Variants in CACNA1D observed in about 807,000 individuals in gnomAD.
CACNA1D encodes calcium voltage-gated channel subunit alpha1 D.
A neutral mutation model predicts 257.1 loss-of-function variants in CACNA1D; 55 were observed. The observed-to-expected ratio is 0.21, with a 90% CI of 0.17 to 0.27. CACNA1D has a LOEUF of 0.27. CACNA1D is among the 10% of genes least tolerant of loss of function. The pLI is 1.00. For missense variants in CACNA1D, 1,876 were observed against 2,784.0 expected (o/e 0.67, Z 7.34); for synonymous variants, 980 against 1,014.9 (o/e 0.97, Z 0.65).
chr3:53,551,329 C>T, intron 3 of CACNA1D, among the ~76,000 whole-genome samples: 1 of 152,218 alleles, frequency 6.6e-6, no homozygotes, highest in East Asian at 1.9e-4. Flanking sequence ...GGTTCCCCGG[C>T]TTGCCCTCCA....
intron 3 of CACNA1D, among the ~76,000 whole-genome samples, chr3:53,617,650 A>G (rs950106709): frequency 9.9e-5 from 15 of 152,260 alleles, no homozygotes; most frequent in African/African-American, 1.9e-4. Flanking sequence ...GACTTAGTTC[A>G]CTTGTACAGT....
chr3:53,569,761 T>C (rs2092911470), intron 3 of CACNA1D, among the ~76,000 whole-genome samples: 3 of 152,244 alleles, frequency 2.0e-5, no homozygotes, highest in African/African-American at 7.2e-5. Flanking sequence ...TTTGGGATAG[T>C]AGAAAGATCT....
chr3:53,596,298 G>A (rs1307688699), intron 3 of CACNA1D, among the ~76,000 whole-genome samples: 1 of 151,980 alleles, frequency 6.6e-6, no homozygotes, highest in African/African-American at 2.4e-5. Flanking sequence ...CTCTGCATGT[G>A]TGTGCATGTG....
intron 14 of CACNA1D, among the ~76,000 whole-genome samples, chr3:53,724,911 A>C (rs997193538): frequency 6.6e-6 from 1 of 152,080 alleles, no homozygotes; most frequent in African/African-American, 2.4e-5. Context: ...ATCTGCTGTA[A>C]GCCATAGTAT....
At chr3:53,588,630 C>T (rs2093256536) in intron 3 of CACNA1D, among the ~76,000 whole-genome samples, 1 of 152,156 alleles carries the variant, frequency 6.6e-6, no homozygotes, top group Non-Finnish European at 1.5e-5. Flanking sequence ...CCTTGTTTTC[C>T]CTGAGAGCAG....
In CACNA1D at chr3:53,495,049, A is replaced by G; in HGVS notation, c.-118A>G. On this transcript the variant is annotated 5_prime_UTR_variant, in exon 1 of 48. Coordinates refer to ENST00000350061, the MANE Select transcript of CACNA1D (RefSeq NM_001128840.3). This position sits in a 1 kb window ranked among gnomAD's most constrained non-coding sequence, Gnocchi z 5.1. ...CCCTCCCCACCCCCCTGCTGAAGCG[A>G]GAATAAGGGCAGGGACCGCGGCTCC... 1 of 481,436 alleles carries G rather than the reference A, an allele frequency of 2.1e-6. No homozygotes were observed. The highest frequency in any genetic ancestry group is 2.2e-5 in the African/African-American group (1 of 46,036). The allele number at this position is 481,436 out of a possible 1,614,324, so 29.8% of individuals were successfully genotyped here. A position where few individuals can be genotyped will look rare whatever the true frequency, so the allele number is the denominator to read the frequency against.
chr3:53,771,041 C>G (rs541376310), intron 32 of CACNA1D, among the ~76,000 whole-genome samples: 1 of 152,206 alleles, frequency 6.6e-6, no homozygotes, highest in African/African-American at 2.4e-5. Context: ...TCACAGAGTT[C>G]GGGATGTTTG....
intron 3 of CACNA1D, among the ~76,000 whole-genome samples, chr3:53,529,662 G>A (rs1232667670): frequency 6.6e-6 from 1 of 152,160 alleles, no homozygotes; most frequent in East Asian, 1.9e-4. Context: ...AGTAACATGA[G>A]GTATCTGTGA....
intron 8 of CACNA1D, among the ~76,000 whole-genome samples, chr3:53,682,431 C>T (rs1216903725): frequency 7.1e-6 from 1 of 141,344 alleles, no homozygotes; most frequent in East Asian, 2.1e-4. Flanking sequence ...GTGGTGTGTG[C>T]CTATAGTCCC....
intron 30 of CACNA1D, among the ~76,000 whole-genome samples, chr3:53,769,051 T>G (rs1023448098): frequency 5.9e-5 from 9 of 152,238 alleles, no homozygotes; most frequent in African/African-American, 2.2e-4. Flanking sequence ...TAAAGATGCC[T>G]CCTGGTGCTG....
intron 26 of CACNA1D, 76 bp downstream of exon 26, chr3:53,747,524 T>C: frequency 6.9e-7 from 1 of 1,458,078 alleles, no homozygotes; most frequent in South Asian, 1.1e-5. Flanking sequence ...CTGGAGTCAG[T>C]CCCATTTCTG....
At chr3:53,648,670 G>A (rs2094049370) in intron 3 of CACNA1D, among the ~76,000 whole-genome samples, 1 of 152,068 alleles carries the variant, frequency 6.6e-6, no homozygotes, top group South Asian at 2.1e-4. Flanking sequence ...TCATGTAGCT[G>A]TATGAAGGGC....
At chr3:53,715,705 C>G (rs946319565) in intron 9 of CACNA1D, among the ~76,000 whole-genome samples, 1 of 152,208 alleles carries the variant, frequency 6.6e-6, no homozygotes, top group Non-Finnish European at 1.5e-5. Flanking sequence ...TCTGGCCAAC[C>G]TGTGCACCTG....
At chr3:53,786,760 G>C in intron 39 of CACNA1D, 62 bp from the exon 40 acceptor site, 1 of 971,142 alleles carries the variant, frequency 1.0e-6, no homozygotes, top group Non-Finnish European at 1.5e-6. Context: ...CCAGAAGCAA[G>C]TGTTTAGGCT....
At chr3:53,631,614 C>T (rs1033502278) in intron 3 of CACNA1D, among the ~76,000 whole-genome samples, 1 of 152,176 alleles carries the variant, frequency 6.6e-6, no homozygotes, top group Non-Finnish European at 1.5e-5. Flanking sequence ...ATGGTGAATT[C>T]CTCCCAGAGG....
At chr3:53,687,258 A>C (rs1559515645) in intron 8 of CACNA1D, among the ~76,000 whole-genome samples, 1 of 152,148 alleles carries the variant, frequency 6.6e-6, no homozygotes. Context: ...TTTCTTTTAG[A>C]AACTGACAAG....
At chr3:53,564,694 C>A (rs542575585) in intron 3 of CACNA1D, among the ~76,000 whole-genome samples, 12 of 152,272 alleles carry the variant, frequency 7.9e-5, no homozygotes, top group African/African-American at 2.4e-4. Flanking sequence ...CCTTTCTAAG[C>A]ACCTTATAAA....
At chr3:53,571,770 T>A (rs983005109) in intron 3 of CACNA1D, among the ~76,000 whole-genome samples, 1 of 152,122 alleles carries the variant, frequency 6.6e-6, no homozygotes, top group Non-Finnish European at 1.5e-5. Flanking sequence ...CATAAGACAA[T>A]GAGTTTTATT....
At position 53,800,600 on chromosome 3, in the gene CACNA1D, G is replaced by A. The variant is rs926136516; in HGVS notation, c.5040+235G>A. 6.9e-6 allele frequency: 4 copies of A among 580,516 alleles called. No individual in the cohort carries two copies. 36.0% of individuals were successfully genotyped at this position (580,516 alleles called of 1,614,324 possible). On this transcript the variant is annotated intron_variant, in intron 41 of 47. Transcript: ENST00000350061. This position sits in a 1 kb window ranked among gnomAD's most constrained non-coding sequence, Gnocchi z 4.3. ...CTTACCCAGCTTCCCCTCACTGCCTGCTTCTGAGGAGCTCGGCCACAGCCG... is the reference window on the plus strand; with the variant it reads ...CTTACCCAGCTTCCCCTCACTGCCTACTTCTGAGGAGCTCGGCCACAGCCG...
Sources: allele counts gnomAD v4.1 joint callset (sites outside exome capture counted in the v4.1 genomes callset), GRCh38; gene constraint gnomAD v4.1.1; non-coding constraint Gnocchi (gnomAD v3.1); transcripts MANE v1.5; gene names NCBI Gene and HGNC (gene_info 2026-07-23, HGNC 2026-07-21).